Variants in TASP1 observed in about 807,000 individuals in gnomAD.
TASP1 encodes the protein threonine aspartase 1.
Under a neutral mutation model 56.6 loss-of-function variants are expected in TASP1, and 16 were observed. That is an observed-to-expected ratio of 0.28 (90% CI 0.19 to 0.43). TASP1 has a LOEUF of 0.43. Among genes scored for constraint, TASP1 ranks in the 20% least tolerant of loss-of-function variants. The pLI is 1.00. For synonymous variants in TASP1, 179 were observed against 184.2 expected (o/e 0.97, Z 0.23); for missense variants, 393 against 511.6 (o/e 0.77, Z 2.24).
At chr20:13,500,042 T>C (rs1356958959) in intron 10 of TASP1, among the ~76,000 whole-genome samples, 1 of 151,394 alleles carries the variant, frequency 6.6e-6, no homozygotes, top group Admixed American at 6.6e-5. Flanking sequence ...TGTTCACAAT[T>C]TGAGTGATGG....
chr20:13,139,284 T>A, the TASP1 span, among the ~76,000 whole-genome samples: 1 of 152,226 alleles, frequency 6.6e-6, no homozygotes, highest in African/African-American at 2.4e-5. Flanking sequence ...TTTTGAGTCT[T>A]TGAAAATTTT....
At chr20:13,126,555 T>C in the TASP1 span, 1 of 1,610,632 alleles carries the variant, frequency 6.2e-7, no homozygotes, top group Non-Finnish European at 8.5e-7. Flanking sequence ...TTGAGATTTA[T>C]TTGCCTTCTT....
the TASP1 span, among the ~76,000 whole-genome samples, chr20:13,180,672 G>T: frequency 6.6e-6 from 1 of 152,128 alleles, no homozygotes; most frequent in Non-Finnish European, 1.5e-5. Context: ...GAATACAAAG[G>T]CATAAATCGC....
At chr20:13,285,894 C>T in the TASP1 span, among the ~76,000 whole-genome samples, 1 of 152,178 alleles carries the variant, frequency 6.6e-6, no homozygotes, top group South Asian at 2.1e-4. Context: ...CAAATTTGCT[C>T]TCTACATTGC....
chr20:13,455,627 G>A (rs537841032), intron 11 of TASP1, among the ~76,000 whole-genome samples: 5 of 152,182 alleles, frequency 3.3e-5, no homozygotes, highest in African/African-American at 9.6e-5. Context: ...AAGAAGAGAC[G>A]AGACAATGTT....
At chr20:13,108,604 T>C in the TASP1 span, among the ~76,000 whole-genome samples, 2 of 152,124 alleles carry the variant, frequency 1.3e-5, no homozygotes, top group Non-Finnish European at 2.9e-5. Flanking sequence ...AGACAGAGTC[T>C]CGTTCTGTCA....
chr20:13,465,314 A>G (rs983061167), intron 11 of TASP1, among the ~76,000 whole-genome samples: 1 of 152,018 alleles, frequency 6.6e-6, no homozygotes, highest in Non-Finnish European at 1.5e-5. Flanking sequence ...GATCTATCAG[A>G]ATAGTTAAAT....
the TASP1 span, among the ~76,000 whole-genome samples, chr20:13,328,942 C>A: frequency 2.6e-5 from 4 of 151,596 alleles, no homozygotes; most frequent in Non-Finnish European, 2.9e-5. Flanking sequence ...TGCACATGCA[C>A]CACTGAACTT....
At chr20:13,216,235 T>A in the TASP1 span, among the ~76,000 whole-genome samples, 1 of 152,152 alleles carries the variant, frequency 6.6e-6, no homozygotes, top group East Asian at 1.9e-4. Flanking sequence ...ATAGTTGAAC[T>A]TCACAACAGC....
At chr20:13,444,927 T>G (rs2043348803) in intron 11 of TASP1, among the ~76,000 whole-genome samples, 1 of 152,190 alleles carries the variant, frequency 6.6e-6, no homozygotes, top group Non-Finnish European at 1.5e-5. Context: ...CTTATGGGTA[T>G]CATCACTGTG....
chr20:13,113,525 A>G, the TASP1 span, among the ~76,000 whole-genome samples: 1 of 152,206 alleles, frequency 6.6e-6, no homozygotes, highest in Admixed American at 6.5e-5. Flanking sequence ...AAGTCAGACA[A>G]CTCCACAAAA....
the TASP1 span, chr20:13,164,983 C>A: frequency 7.6e-6 from 6 of 794,116 alleles, no homozygotes; most frequent in Non-Finnish European, 1.2e-5. Flanking sequence ...GTTCCCAGAC[C>A]AGCTTGATTG....
the TASP1 span, among the ~76,000 whole-genome samples, chr20:13,140,645 T>TAA: frequency 8.5e-5 from 13 of 152,154 alleles, no homozygotes; most frequent in Admixed American, 4.6e-4. Flanking sequence ...TCTACAGGAT[T>TAA]AAAAAAACAG....
the TASP1 span, among the ~76,000 whole-genome samples, chr20:13,171,858 A>C: frequency 6.6e-6 from 1 of 152,166 alleles, no homozygotes; most frequent in African/African-American, 2.4e-5. Flanking sequence ...ACTTTTTAAA[A>C]GTTCTAATTA....
At chr20:13,266,417 G>T in the TASP1 span, among the ~76,000 whole-genome samples, 1 of 152,184 alleles carries the variant, frequency 6.6e-6, no homozygotes, top group Non-Finnish European at 1.5e-5. Context: ...GAGTTCATGT[G>T]CATAAGCCGT....
At chr20:13,510,118 CA>C (rs947851573) in intron 10 of TASP1, among the ~76,000 whole-genome samples, 4 of 151,766 alleles carry the variant, frequency 2.6e-5, no homozygotes, top group Non-Finnish European at 5.9e-5. Context: ...GTTACTTATG[CA>C]AAGCACCTTC....
chr20:13,414,187 G>A (rs1157356356), intron 13 of TASP1, among the ~76,000 whole-genome samples: 2 of 152,084 alleles, frequency 1.3e-5, no homozygotes, highest in Admixed American at 6.6e-5. Flanking sequence ...CATTATTGAA[G>A]AACACGTTTC....
intron 8 of TASP1, among the ~76,000 whole-genome samples, chr20:13,540,998 C>T (rs80189802): frequency 0.017 from 2,619 of 152,024 alleles, 82 homozygotes; most frequent in African/African-American, 0.058. Context: ...ATATTTAATA[C>T]ACATTTGGTT....
chr20:13,569,618 C>T, intron 6 of TASP1, 32 bp from the exon 7 acceptor site: 1 of 1,567,024 alleles, frequency 6.4e-7, no homozygotes, highest in Non-Finnish European at 8.7e-7. Flanking sequence ...TTAAAATTCA[C>T]AGTGTCATCT....
Sources: allele counts gnomAD v4.1 joint callset (sites outside exome capture counted in the v4.1 genomes callset), GRCh38; gene constraint gnomAD v4.1.1; transcripts MANE v1.5; gene names NCBI Gene and HGNC (gene_info 2026-07-23, HGNC 2026-07-21).